The following ANAPC7 variants were observed in gnomAD, a reference collection of about 807,000 sequenced individuals.
ANAPC7 encodes anaphase promoting complex subunit 7, also known as anaphase-promoting complex subunit 7.
In ANAPC7, 25 loss-of-function variants were observed where a neutral mutation model predicts 63.3. That is an observed-to-expected ratio of 0.39 (90% CI 0.29 to 0.55). The LOEUF (loss-of-function observed/expected upper bound fraction) is 0.55, where lower values mean the gene tolerates loss of function less well. Ranked by LOEUF, ANAPC7 falls within the 20% of genes least tolerant of loss-of-function variation. The pLI, the probability that ANAPC7 is intolerant of heterozygous loss-of-function variation, is 0.57. For synonymous variants in ANAPC7, 241 were observed against 251.7 expected, an observed-to-expected ratio of 0.96 and a Z score of 0.40; for missense variants, 516 against 691.7, an observed-to-expected ratio of 0.75 and a Z score of 2.85.
In ANAPC7 at chr12:110,381,912, G is replaced by T. The variant is rs1485094723; in HGVS notation, c.972C>A (p.Ala324=). ...HSFYSKRYSR[A]LYLGAKAIQL... is the part of the protein sequence containing the mutation. Reference sequence around the variant, plus strand: ...GAATGGCCTTGGCTCCTAAATAGAGGGCCCGGGAGTAGCGTTTGCTATAGA... The same window carrying T: ...GAATGGCCTTGGCTCCTAAATAGAGTGCCCGGGAGTAGCGTTTGCTATAGA... The change falls in exon 8 of 11, where the codon GCC becomes GCA. Residue 324 remains alanine, a synonymous_variant. Transcript: ENST00000455511. The T allele has an allele frequency of 1.2e-6, 2 of 1,601,784 alleles. No individual in the cohort carries two copies. The highest frequency in any genetic ancestry group is 1.7e-5 in the Admixed American group (1 of 59,258).
chr12:110,389,414 T>C (rs1882910654), intron 3 of ANAPC7, among the ~76,000 whole-genome samples: 1 of 152,194 alleles, frequency 6.6e-6, no homozygotes, highest in Admixed American at 6.5e-5. Flanking sequence ...GTATAATACT[T>C]GGCTTTTCTT....
intron 1 of ANAPC7, among the ~76,000 whole-genome samples, chr12:110,401,247 G>A (rs1234069625): frequency 6.6e-6 from 1 of 152,172 alleles, no homozygotes; most frequent in East Asian, 1.9e-4. Context: ...GGCTCAGAAT[G>A]GAGACTCTCC....
In ANAPC7 at chr12:110,396,332, T is replaced by G. The variant is rs1230833378; in HGVS notation, c.222A>C (p.Lys74Asn). The G allele has an allele frequency of 6.2e-7, 1 of 1,613,986 alleles. No individual in the cohort carries two copies. The highest frequency in any genetic ancestry group is 1.1e-5 in the South Asian group (1 of 91,042). ...TCACTTTTGAAGTTTTACTTAGCGC[T>G]TTCTTCTGCTGTAAAGCCATGGTAT... ...SKYTMALQQK[K>N]ALSKTSKVRP... is the part of the protein sequence containing the mutation. The change falls in exon 2 of 11, where the codon AAA becomes AAC. Residue 74 changes from lysine (K) to asparagine (N), a missense_variant. This residue lies in a region of ANAPC7 where 185 missense variants were observed against 200.3 expected (regional missense o/e 0.92). Coordinates refer to ENST00000455511, the MANE Select transcript of ANAPC7 (RefSeq NM_016238.3).
chr12:110,391,847 C>T (rs971314000), intron 3 of ANAPC7, among the ~76,000 whole-genome samples: 1 of 152,140 alleles, frequency 6.6e-6, no homozygotes, highest in African/African-American at 2.4e-5. Flanking sequence ...GTAATCCCAG[C>T]ACTTTGGGAG....
intron 10 of ANAPC7, among the ~76,000 whole-genome samples, chr12:110,374,843 G>T (rs185937582): frequency 1.6e-4 from 24 of 152,240 alleles, no homozygotes; most frequent in Admixed American, 5.9e-4. Context: ...TAAACACCTA[G>T]GTCAGACCCC....
chr12:110,387,919 AAAGT>A (rs767743380), intron 4 of ANAPC7, 27 bp from the exon 5 acceptor site: 11 of 1,610,100 alleles, frequency 6.8e-6, no homozygotes, highest in South Asian at 1.1e-5. Context: ...CAGAAGAAAG[AAAGT>A]AAGGCACGAT....
chr12:110,385,395 C>T (rs1417024076), intron 6 of ANAPC7, among the ~76,000 whole-genome samples: 2 of 152,242 alleles, frequency 1.3e-5, no homozygotes, highest in Non-Finnish European at 2.9e-5. Context: ...CCTTGCTATC[C>T]CTTCAGATTC....
rs572887118 is a variant in ANAPC7, at chr12:110,396,324, C to G, written c.230G>C (p.Ser77Thr). ...TGAAGGTCTCACTTTTGAAGTTTTA[C>G]TTAGCGCTTTCTTCTGCTGTAAAGC... The part of the protein sequence containing the change: ...TMALQQKKAL[S>T]KTSKVRPSTG... Residue 77 changes from serine to threonine, a missense_variant, in exon 2 of 11, where the codon AGT (serine) becomes ACT (threonine). Physicochemically the swap from Ser to Thr is moderately conservative, Grantham distance 58. Around this residue, in one of 4 missense-constraint regions of ANAPC7, gnomAD observed 185 missense variants for 200.3 expected, o/e 0.92. Coordinates refer to ENST00000455511, the MANE Select transcript of ANAPC7 (RefSeq NM_016238.3). 3 of 1,613,502 alleles carry G rather than the reference C, an allele frequency of 1.9e-6. No individual in the cohort carries two copies. Among genetic ancestry groups the G allele is most frequent in the Middle Eastern group, 1.6e-4 (1 of 6,062 alleles).
At chr12:110,392,092 C>CAAAAAAAAAAAAAAAAA (rs1283316509) in intron 3 of ANAPC7, among the ~76,000 whole-genome samples, 1 of 14,854 alleles carries the variant, frequency 6.7e-5, no homozygotes, top group African/African-American at 3.2e-4. Flanking sequence ...CTCCACCTCA[C>CAAAAAAAAAAAAAAAAA]AAAAAAAAAA....
chr12:110,397,907 A>C (rs2062167662), intron 1 of ANAPC7, among the ~76,000 whole-genome samples: 2 of 151,608 alleles, frequency 1.3e-5, no homozygotes, highest in African/African-American at 2.4e-5. Flanking sequence ...TAAAAAAAAA[A>C]AGATCGGGAA....
chr12:110,396,225 C>CAAAAAAAA, intron 2 of ANAPC7, 41 bp downstream of exon 2: 1 of 1,282,366 alleles, frequency 7.8e-7, no homozygotes, highest in Non-Finnish European at 1.0e-6. Context: ...GAGTCTTTCT[C>CAAAAAAAA]AAAAAAAAAA....
At position 110,396,683 on chromosome 12, in the gene ANAPC7, G is replaced by T. The variant is rs1330406903; in HGVS notation, c.102-231C>A. ...ATGGCACCACACCCAGCTAATTTTT[G>T]TTTTTTTTTTTAGTAGACATGGGGT... On this transcript the variant is annotated intron_variant, in intron 1 of 10. Transcript: ENST00000455511. 4.8e-5 allele frequency among the ~76,000 whole-genome samples: 7 copies of T among 146,276 alleles called. No homozygotes were observed. The South Asian group carries it at 6.6e-4, about 14-fold the overall frequency.
intron 3 of ANAPC7, among the ~76,000 whole-genome samples, chr12:110,389,931 CA>C (rs552958124): frequency 6.8e-6 from 1 of 147,402 alleles, no homozygotes. Flanking sequence ...GACTCCGTCT[CA>C]AAAAACAACA....
At chr12:110,379,393 G>T (rs1881607239) in intron 8 of ANAPC7, among the ~76,000 whole-genome samples, 1 of 152,186 alleles carries the variant, frequency 6.6e-6, no homozygotes, top group Non-Finnish European at 1.5e-5. Flanking sequence ...CCAAATGGCA[G>T]CTTAAGAAGC....
chr12:110,402,993 C>A (rs1010342502), intron 1 of ANAPC7, among the ~76,000 whole-genome samples: 1 of 152,166 alleles, frequency 6.6e-6, no homozygotes, highest in Non-Finnish European at 1.5e-5. Flanking sequence ...CCTCCCGCCT[C>A]GGCCTCCCAA....
rs749772145 is a variant in ANAPC7, at chr12:110,396,271, T to C, written c.283A>G (p.Ser95Gly). The C allele has an allele frequency of 6.2e-7, 1 of 1,606,864 alleles. No individual in the cohort carries two copies. Among genetic ancestry groups the C allele is most frequent in the Admixed American group, 1.7e-5 (1 of 58,194 alleles). ...STGNSASTPQ[S>G]QCLPSEIEVK... ...ACAATTCTATCTCCAATTACCTGAC[T>C]TTGTGGAGTAGATGCAGAATTTCCA... Residue 95 changes from serine to glycine, a missense_variant, in exon 2 of 11, where the codon AGT (serine) becomes GGT (glycine). Ser to Gly is a moderately conservative substitution (Grantham distance 56). Coordinates refer to ENST00000455511, the MANE Select transcript of ANAPC7 (RefSeq NM_016238.3).
intron 7 of ANAPC7, among the ~76,000 whole-genome samples, chr12:110,382,464 ATATATATAT>A (rs1882010678): frequency 3.7e-5 from 3 of 80,712 alleles, no homozygotes; most frequent in African/African-American, 4.7e-5. Context: ...AAAAAAAAAT[ATATATATAT>A]ATATATATAT....
intron 3 of ANAPC7, among the ~76,000 whole-genome samples, chr12:110,392,547 C>T (rs1883189227): frequency 6.6e-6 from 1 of 152,058 alleles, no homozygotes. Flanking sequence ...ACAAGTTGCA[C>T]AAAACAGTTT....
chr12:110,378,059 T>C (rs886667046), intron 8 of ANAPC7: 23 of 197,028 alleles, frequency 1.2e-4, no homozygotes, highest in Admixed American at 4.2e-4. Context: ...CCTGTAGGGC[T>C]AGGTTTAAGA....
Sources: gnomAD v4.1 joint callset for allele counts (sites outside exome capture counted in the v4.1 genomes callset) on GRCh38, gnomAD v4.1.1 for gene constraint, gnomAD v4.1.1 regional missense constraint, MANE v1.5 for transcripts, NCBI Gene and HGNC (gene_info 2026-07-23, HGNC 2026-07-21) for gene names.